The following UBE3D variants were observed in gnomAD, a reference collection of about 807,000 sequenced individuals.
UBE3D encodes the protein ubiquitin protein ligase E3D, also known as E3 ubiquitin-protein ligase E3D.
UBE3D carries 48 observed loss-of-function variants against 49.6 expected under a neutral mutation model. That is an observed-to-expected ratio of 0.97 (90% confidence interval 0.77 to 1.23). The LOEUF is 1.23. Among genes scored for constraint, UBE3D ranks in the 50% most tolerant of loss-of-function variants. The pLI, the probability that UBE3D is intolerant of heterozygous loss-of-function variation, is 0.00. For missense variants in UBE3D, 452 were observed against 468.4 expected, an observed-to-expected ratio of 0.96 and a Z score of 0.32; for synonymous variants, 189 against 174.2, an observed-to-expected ratio of 1.08 and a Z score of -0.67.
At chr6:82,923,604 T>C (rs1773522543) in intron 9 of UBE3D, among the ~76,000 whole-genome samples, 1 of 152,100 alleles carries the variant, frequency 6.6e-6, no homozygotes, top group Non-Finnish European at 1.5e-5. Flanking sequence ...TTAGGAGAAA[T>C]ACCTAATGTA....
chr6:83,063,466 A>G (rs1784308828), intron 1 of UBE3D, among the ~76,000 whole-genome samples: 1 of 151,512 alleles, frequency 6.6e-6, no homozygotes, highest in Non-Finnish European at 1.5e-5. Context: ...TAAGTCACAG[A>G]TAAGAATAGT....
At chr6:82,985,552 CGAT>C (rs1482470398) in intron 8 of UBE3D, among the ~76,000 whole-genome samples, 1 of 151,904 alleles carries the variant, frequency 6.6e-6, no homozygotes, top group Non-Finnish European at 1.5e-5. Context: ...TTTGTAGAGA[CGAT>C]GTTTCACCAT....
intron 8 of UBE3D, among the ~76,000 whole-genome samples, chr6:82,990,468 C>T (rs1360460501): frequency 1.3e-5 from 2 of 151,692 alleles, no homozygotes; most frequent in Non-Finnish European, 2.9e-5. Context: ...AGTAGAGACA[C>T]GGTTTCACCA....
intron 1 of UBE3D, 21 bp downstream of exon 1, chr6:83,065,621 G>C: frequency 6.2e-7 from 1 of 1,613,044 alleles, no homozygotes; most frequent in African/African-American, 1.3e-5. Context: ...TGGGCACTGC[G>C]CCTAGAATCC....
At chr6:82,947,832 C>T (rs919002060) in intron 9 of UBE3D, among the ~76,000 whole-genome samples, 6 of 151,892 alleles carry the variant, frequency 4.0e-5, no homozygotes, top group Admixed American at 6.6e-5. Flanking sequence ...ATAATGGAAA[C>T]ACATATACCA....
At chr6:82,926,239 C>CT (rs1413704700) in intron 9 of UBE3D, among the ~76,000 whole-genome samples, 1 of 152,006 alleles carries the variant, frequency 6.6e-6, no homozygotes, top group South Asian at 2.1e-4. Context: ...TTTAGACTGG[C>CT]TTTTTTCACC....
chr6:82,991,142 C>G (rs916366687), intron 8 of UBE3D, among the ~76,000 whole-genome samples: 1 of 152,136 alleles, frequency 6.6e-6, no homozygotes, highest in Non-Finnish European at 1.5e-5. Flanking sequence ...AAGGAGTGCT[C>G]AAGACACAGA....
At chr6:82,967,183 T>C (rs1234003328) in intron 8 of UBE3D, among the ~76,000 whole-genome samples, 3 of 152,244 alleles carry the variant, frequency 2.0e-5, no homozygotes, top group South Asian at 2.1e-4. Context: ...TAGAGTCACA[T>C]GCATTTGTAA....
intron 1 of UBE3D, among the ~76,000 whole-genome samples, chr6:83,059,947 C>G (rs1037900943): frequency 6.6e-5 from 10 of 152,252 alleles, no homozygotes; most frequent in African/African-American, 2.4e-4. Flanking sequence ...CAGAGCCTGT[C>G]TTAGCTCAGC....
chr6:82,970,613 G>A (rs1027758011), intron 8 of UBE3D, among the ~76,000 whole-genome samples: 1 of 152,174 alleles, frequency 6.6e-6, no homozygotes, highest in African/African-American at 2.4e-5. Flanking sequence ...GTCGAGGCGG[G>A]CAGATCACGA....
chr6:82,932,318 C>T (rs1262614535), intron 9 of UBE3D, among the ~76,000 whole-genome samples: 1 of 152,096 alleles, frequency 6.6e-6, no homozygotes, highest in Non-Finnish European at 1.5e-5. Context: ...TTAAATGATA[C>T]CTATCCTTTT....
At chr6:82,976,567 T>G (rs1053595462) in intron 8 of UBE3D, among the ~76,000 whole-genome samples, 3 of 152,156 alleles carry the variant, frequency 2.0e-5, no homozygotes, top group African/African-American at 7.2e-5. Flanking sequence ...CCTCTGACCT[T>G]CAGCCAATAT....
At chr6:82,888,303 G>GT (rs11409233), downstream of UBE3D, among the ~76,000 whole-genome samples, 47,698 of 144,466 alleles carry the variant, frequency 0.33, 8,859 homozygotes, top group African/African-American at 0.51. Flanking sequence ...CATGATTTAG[G>GT]TTTTTTTTTT....
intron 9 of UBE3D, among the ~76,000 whole-genome samples, chr6:82,949,103 C>G (rs1427352962): frequency 6.6e-6 from 1 of 151,872 alleles, no homozygotes; most frequent in Non-Finnish European, 1.5e-5. Flanking sequence ...ATGATATGAT[C>G]TTATATTTAG....
At chr6:83,040,378 ACTCTCTCTCT>A (rs59340440) in intron 4 of UBE3D, among the ~76,000 whole-genome samples, 10 of 146,858 alleles carry the variant, frequency 6.8e-5, no homozygotes, top group African/African-American at 2.3e-4. Context: ...AGCGAGACTG[ACTCTCTCTCT>A]CTCTCTCTCT....
At chr6:83,037,522 TACTA>T (rs1223106251) in intron 5 of UBE3D, 1 of 152,190 alleles carries the variant, frequency 6.6e-6, no homozygotes, top group African/African-American at 2.4e-5. Flanking sequence ...TGGTACCTTT[TACTA>T]ACTCATTTTT....
intron 8 of UBE3D, among the ~76,000 whole-genome samples, chr6:82,975,273 A>C (rs1365120069): frequency 6.6e-6 from 1 of 152,196 alleles, no homozygotes; most frequent in East Asian, 1.9e-4. Flanking sequence ...TCAATGCCTA[A>C]ATGATGACTG....
chr6:82,944,814 G>A lies in UBE3D; in HGVS notation c.1149+12498C>T, dbSNP rs552073760. ...CCTTGGGCCTCATGTGAACATCAGC[G>A]GTAGCTTGGCAGTACTCCCTATGGG... On this transcript the variant is annotated intron_variant, in intron 9 of 9. Transcript: ENST00000369747. 7.2e-5 allele frequency among the ~76,000 whole-genome samples: 11 copies of A among 152,312 alleles called. No individual in the cohort carries two copies. In the East Asian group the frequency reaches 1.4e-3, roughly 19 times the overall value.
chr6:82,883,215 T>A, the UBE3D span, among the ~76,000 whole-genome samples: 1 of 152,226 alleles, frequency 6.6e-6, no homozygotes, highest in South Asian at 2.1e-4. Context: ...ATAAATGTTT[T>A]TAGTCTGGGA....
Sources: allele counts gnomAD v4.1 joint callset (sites outside exome capture counted in the v4.1 genomes callset), GRCh38; gene constraint gnomAD v4.1.1; transcripts MANE v1.5; gene names NCBI Gene and HGNC (gene_info 2026-07-23, HGNC 2026-07-21).